Variants in COLEC12 observed in about 807,000 individuals in gnomAD.
COLEC12 encodes collectin-12.
Under a neutral mutation model 71.1 loss-of-function variants are expected in COLEC12, and 33 were observed. The observed-to-expected ratio is 0.46, with a 90% CI of 0.35 to 0.62. The LOEUF (loss-of-function observed/expected upper bound fraction) is 0.62, where lower values mean the gene tolerates loss of function less well. Ranked by LOEUF, COLEC12 falls within the 20% of genes least tolerant of loss-of-function variation. The pLI is 0.00. For synonymous variants in COLEC12, 350 were observed against 353.0 expected (o/e 0.99, Z 0.10); for missense variants, 765 against 916.1 (o/e 0.84, Z 2.13).
intron 2 of COLEC12, among the ~76,000 whole-genome samples, chr18:405,492 C>A (rs150071224): frequency 9.8e-5 from 15 of 152,300 alleles, no homozygotes; most frequent in African/African-American, 3.6e-4. Context: ...AGTGGCCCAG[C>A]TGCAAAATTC....
intron 8 of COLEC12, among the ~76,000 whole-genome samples, chr18:329,245 A>G (rs984321928): frequency 3.9e-5 from 6 of 152,196 alleles, no homozygotes; most frequent in African/African-American, 1.4e-4. Flanking sequence ...AGCTCAATCC[A>G]TTCCATATGG....
chr18:463,848 C>T (rs192277447), intron 2 of COLEC12, among the ~76,000 whole-genome samples: 23 of 152,242 alleles, frequency 1.5e-4, no homozygotes, highest in African/African-American at 5.3e-4. Flanking sequence ...TAGACTGCTC[C>T]GTGAAAAGGC....
rs138452613 is a variant in COLEC12, at chr18:357,433, G to A, written c.148C>T (p.Leu50=). The change falls in exon 3 of 10, where the codon CTA becomes TTA. Residue 50 remains leucine (L), a synonymous_variant. Transcript: ENST00000400256. ...CCCAAAATGGCTACTGTGATTGTTA[G>A]CAAGGCACACAAAATGTATAATAAT... ...IILLYILCAL[L]TITVAILGYK... 8.7e-5 allele frequency: 140 copies of A among 1,602,738 alleles called. No homozygotes were observed. In the African/African-American group the frequency reaches 1.8e-3, roughly 20 times the overall value.
At chr18:370,596 C>A (rs1240399793) in intron 2 of COLEC12, among the ~76,000 whole-genome samples, 1 of 152,202 alleles carries the variant, frequency 6.6e-6, no homozygotes, top group Non-Finnish European at 1.5e-5. Context: ...ACACTGCATG[C>A]GGTTTAGAAC....
At chr18:498,514 C>T (rs1385296163) in intron 1 of COLEC12, among the ~76,000 whole-genome samples, 1 of 151,982 alleles carries the variant, frequency 6.6e-6, no homozygotes, top group Non-Finnish European at 1.5e-5. Flanking sequence ...TGCCTGCCAC[C>T]ACGCCCAGCT....
At chr18:425,250 C>T (rs1397104403) in intron 2 of COLEC12, among the ~76,000 whole-genome samples, 1 of 152,220 alleles carries the variant, frequency 6.6e-6, no homozygotes, top group Non-Finnish European at 1.5e-5. Flanking sequence ...TTCTCTTGCA[C>T]CAGCCTTGTT....
intron 2 of COLEC12, among the ~76,000 whole-genome samples, chr18:455,643 CT>C (rs891150130): frequency 9.2e-5 from 14 of 151,902 alleles, no homozygotes; most frequent in South Asian, 2.1e-4. Context: ...CTCCCCCTCC[CT>C]TTGCCCCCCC....
chr18:481,046 G>A (rs965583235), intron 1 of COLEC12, among the ~76,000 whole-genome samples: 3 of 152,094 alleles, frequency 2.0e-5, no homozygotes, highest in African/African-American at 4.8e-5. Context: ...TCCCTGCCAC[G>A]CTACACTAAT....
At chr18:411,997 T>C (rs552086908) in intron 2 of COLEC12, among the ~76,000 whole-genome samples, 5 of 152,090 alleles carry the variant, frequency 3.3e-5, no homozygotes, top group African/African-American at 1.2e-4. Flanking sequence ...AACATTTATG[T>C]CATAAGTGTC....
chr18:371,314 TTA>T (rs756799505), intron 2 of COLEC12, among the ~76,000 whole-genome samples: 14 of 152,216 alleles, frequency 9.2e-5, no homozygotes, highest in Non-Finnish European at 1.5e-4. Context: ...GATGGTGTGA[TTA>T]TATGTTTACT....
At chr18:441,475 G>T (rs556731291) in intron 2 of COLEC12, among the ~76,000 whole-genome samples, 1 of 152,012 alleles carries the variant, frequency 6.6e-6, no homozygotes, top group African/African-American at 2.4e-5. Context: ...ATAATGGTGC[G>T]CAACGCAGAC....
At chr18:491,510 C>T (rs144362542) in intron 1 of COLEC12, among the ~76,000 whole-genome samples, 54 of 152,278 alleles carry the variant, frequency 3.5e-4, no homozygotes, top group African/African-American at 1.2e-3. Context: ...GGAAAACATC[C>T]AACACATACC....
chr18:406,429 A>G (rs1422114491), intron 2 of COLEC12, among the ~76,000 whole-genome samples: 2 of 148,006 alleles, frequency 1.4e-5, no homozygotes, highest in Non-Finnish European at 3.0e-5. Flanking sequence ...GAATGGCGTG[A>G]ACCCGGGAAG....
intron 2 of COLEC12, among the ~76,000 whole-genome samples, chr18:432,183 A>C (rs1008133877): frequency 1.7e-4 from 26 of 152,218 alleles, no homozygotes; most frequent in African/African-American, 5.1e-4. Context: ...TTCATTAATT[A>C]ATTCATTCAT....
At chr18:357,820 A>G in intron 2 of COLEC12, among the ~76,000 whole-genome samples, 1 of 152,188 alleles carries the variant, frequency 6.6e-6, no homozygotes, top group Non-Finnish European at 1.5e-5. Context: ...TCATTAGGCA[A>G]TTTCATCACT....
intron 2 of COLEC12, among the ~76,000 whole-genome samples, chr18:444,587 A>G (rs1916609128): frequency 6.6e-6 from 1 of 152,180 alleles, no homozygotes; most frequent in Non-Finnish European, 1.5e-5. Context: ...TCCAATCCTG[A>G]CACTCTCAGC....
At chr18:475,094 A>C (rs993533221) in intron 2 of COLEC12, among the ~76,000 whole-genome samples, 3 of 151,990 alleles carry the variant, frequency 2.0e-5, no homozygotes, top group African/African-American at 7.3e-5. Flanking sequence ...TAAATAAATA[A>C]ATTCAGAAAT....
chr18:456,029 GACC>G (rs959824309), intron 2 of COLEC12, among the ~76,000 whole-genome samples: 2 of 152,198 alleles, frequency 1.3e-5, no homozygotes, highest in Non-Finnish European at 2.9e-5. Context: ...TATGAAATCA[GACC>G]ACGTCAGCCC....
intron 2 of COLEC12, among the ~76,000 whole-genome samples, chr18:417,684 G>C (rs114940911): frequency 6.6e-6 from 1 of 152,290 alleles, no homozygotes; most frequent in South Asian, 2.1e-4. Context: ...TTAGAAACAC[G>C]ATACACAGAA....
Sources: gnomAD v4.1 joint callset for allele counts (sites outside exome capture counted in the v4.1 genomes callset) on GRCh38, gnomAD v4.1.1 for gene constraint, MANE v1.5 for transcripts, NCBI Gene and HGNC (gene_info 2026-07-23, HGNC 2026-07-21) for gene names.